The following CCDC6 variants were observed in gnomAD, a reference collection of about 807,000 sequenced individuals.
CCDC6 encodes the protein coiled-coil domain-containing protein 6.
In CCDC6, 20 loss-of-function variants were observed where a neutral mutation model predicts 56.6. The observed-to-expected ratio is 0.35, with a 90% confidence interval of 0.25 to 0.51. The LOEUF is 0.51. Ranked by LOEUF, CCDC6 falls within the 20% of genes least tolerant of loss-of-function variation. The pLI, the probability that CCDC6 is intolerant of heterozygous loss-of-function variation, is 0.95. For missense variants in CCDC6, 367 were observed against 601.1 expected, an observed-to-expected ratio of 0.61 and a Z score of 4.07; for synonymous variants, 241 against 234.4, an observed-to-expected ratio of 1.03 and a Z score of -0.26.
At chr10:59,823,720 C>G (rs1184847727) in intron 3 of CCDC6, among the ~76,000 whole-genome samples, 1 of 151,996 alleles carries the variant, frequency 6.6e-6, no homozygotes, top group Admixed American at 6.6e-5. Context: ...TTGTCATTAC[C>G]ACATTCATCC....
intron 1 of CCDC6, among the ~76,000 whole-genome samples, chr10:59,866,286 CATAA>C (rs1314568010): frequency 6.6e-6 from 1 of 152,166 alleles, no homozygotes; most frequent in Non-Finnish European, 1.5e-5. Flanking sequence ...GTCTTGGCTA[CATAA>C]ATAGCCTCAA....
intron 5 of CCDC6, among the ~76,000 whole-genome samples, chr10:59,810,504 C>T (rs2070663774): frequency 6.6e-6 from 1 of 152,014 alleles, no homozygotes; most frequent in Non-Finnish European, 1.5e-5. Context: ...AGGAAAAATG[C>T]AAACTGACAG....
intron 2 of CCDC6, among the ~76,000 whole-genome samples, chr10:59,849,275 TG>T (rs2071018739): frequency 6.6e-6 from 1 of 152,212 alleles, no homozygotes; most frequent in African/African-American, 2.4e-5. Context: ...GATACAATTT[TG>T]TGTCTGTACT....
Position 59,807,012 on chromosome 10 carries a change from T to C in CCDC6, c.914A>G (p.Gln305Arg). The change falls in exon 6 of 9, where the codon CAG becomes CGG. Residue 305 changes from glutamine (Q) to arginine (R), a missense_variant. By Grantham distance (43) the Gln-to-Arg change is conservative. Around this residue, in one of 7 missense-constraint regions of CCDC6, gnomAD observed 81 missense variants for 150.8 expected, o/e 0.54. Coordinates refer to ENST00000263102, the MANE Select transcript of CCDC6 (RefSeq NM_005436.5). ...RHMREENLRL[Q>R]RKLQREMERR... ...CTCCATCTCCCTCTGCAGCTTCCTC[T>C]GGAGCCTCAAGTTCTCTTCTCTCAT... 1 of 1,614,086 alleles carries C rather than the reference T, an allele frequency of 6.2e-7. No individual in the cohort carries two copies. Among genetic ancestry groups the C allele is most frequent in the Non-Finnish European group, 8.5e-7 (1 of 1,179,930 alleles).
At chr10:59,818,507 A>G (rs1431230764) in intron 3 of CCDC6, among the ~76,000 whole-genome samples, 111 of 106,544 alleles carry the variant, frequency 1.0e-3, no homozygotes, top group Middle Eastern at 5.0e-3. Context: ...GGGGGGGGGG[A>G]AGCAGATTCT....
chr10:59,834,583 A>G (rs1462919292), intron 2 of CCDC6, among the ~76,000 whole-genome samples: 4 of 150,340 alleles, frequency 2.7e-5, no homozygotes, highest in Non-Finnish European at 4.4e-5. Context: ...AAAAAAAAAG[A>G]AAAAAAAATT....
chr10:59,814,511 T>C (rs116418169), intron 4 of CCDC6, 141 bp downstream of exon 4: 4 of 568,614 alleles, frequency 7.0e-6, no homozygotes, highest in Admixed American at 6.0e-5. Context: ...GCTTTCAACA[T>C]TTTTTTTCCT....
intron 1 of CCDC6, among the ~76,000 whole-genome samples, chr10:59,877,272 C>T (rs1204984712): frequency 6.6e-6 from 1 of 152,150 alleles, no homozygotes; most frequent in Non-Finnish European, 1.5e-5. Flanking sequence ...TTTAATAAAG[C>T]ACCAGAATCA....
rs570771961 is a variant in CCDC6 at position 59,794,817 on chromosome 10, T to C, written c.1106-220A>G. Among the ~76,000 whole-genome samples the C allele has an allele frequency of 1.6e-4, 24 of 152,208 alleles. 1 individual carries two copies. The South Asian group carries it at 5.0e-3, about 32-fold the overall frequency. ...CAGAAATAAACTCACACGTATATGGTCAACTGATCTTCAAAAAGGGCACCA... is the reference window on the plus strand; with the variant it reads ...CAGAAATAAACTCACACGTATATGGCCAACTGATCTTCAAAAAGGGCACCA... On this transcript the variant is annotated intron_variant, in intron 7 of 8. Coordinates refer to ENST00000263102, the MANE Select transcript of CCDC6 (RefSeq NM_005436.5).
chr10:59,819,039 C>T (rs1417918120), intron 3 of CCDC6, among the ~76,000 whole-genome samples: 1 of 152,120 alleles, frequency 6.6e-6, no homozygotes, highest in East Asian at 1.9e-4. Flanking sequence ...ATACGGTTTT[C>T]ATTAATCTTT....
chr10:59,850,222 GCA>G (rs933354216), intron 2 of CCDC6, among the ~76,000 whole-genome samples: 8 of 152,274 alleles, frequency 5.3e-5, no homozygotes, highest in African/African-American at 1.7e-4. Flanking sequence ...TGTTTAATGG[GCA>G]CAGAGTTTCA....
Position 59,906,149 on chromosome 10 carries a change from G to A in CCDC6, c.276C>T (p.Arg92=). 6.2e-7 allele frequency: 1 copy of A among 1,604,660 alleles called. No individual in the cohort carries two copies. Among genetic ancestry groups the A allele is most frequent in the Non-Finnish European group, 8.5e-7 (1 of 1,174,476 alleles). Residue 92 remains arginine (R), a synonymous_variant, in exon 1 of 9, where the codon CGC becomes CGT. Transcript: ENST00000263102. The part of the protein sequence containing the change: ...LKCKALQEEN[R]DLRKASVTIQ... ...TGGTCACGCTGGCTTTGCGCAGGTC[G>A]CGGTTCTCCTCCTGCAGTGCCTTGC...
intron 8 of CCDC6, 93 bp downstream of exon 8, chr10:59,794,380 C>A: frequency 1.5e-6 from 2 of 1,293,176 alleles, no homozygotes; most frequent in South Asian, 1.4e-5. Context: ...GGAAGAAGGG[C>A]AAATGTCTAA....
At chr10:59,889,123 C>A (rs2132680976) in intron 1 of CCDC6, among the ~76,000 whole-genome samples, 1 of 152,254 alleles carries the variant, frequency 6.6e-6, no homozygotes, top group East Asian at 1.9e-4. Context: ...TGAGGCATCC[C>A]AAGATGCTCC....
intron 7 of CCDC6, among the ~76,000 whole-genome samples, chr10:59,802,532 C>A (rs78141151): frequency 3.3e-5 from 5 of 151,982 alleles, no homozygotes; most frequent in Non-Finnish European, 7.4e-5. Flanking sequence ...AATTCTGCTG[C>A]CAAATAGACA....
At chr10:59,808,048 G>A (rs1034074096) in intron 5 of CCDC6, among the ~76,000 whole-genome samples, 1 of 152,134 alleles carries the variant, frequency 6.6e-6, no homozygotes, top group South Asian at 2.1e-4. Flanking sequence ...CACACGTAGC[G>A]GCAGAGGGCA....
Position 59,792,879 on chromosome 10 carries a change from G to C in CCDC6, c.*38C>G, listed in dbSNP as rs182239385. The C allele has an allele frequency of 2.5e-6, 4 of 1,601,628 alleles. No homozygotes were observed. Among genetic ancestry groups the C allele is most frequent in the Non-Finnish European group, 3.4e-6 (4 of 1,169,098 alleles). On this transcript the variant is annotated 3_prime_UTR_variant, in exon 9 of 9. Coordinates refer to ENST00000263102, the MANE Select transcript of CCDC6 (RefSeq NM_005436.5). ...TGGCGTTGAGTAGACGGCTCCATTGGATGAGTCCCAACTTGAAATTCAGAC... is the reference window on the plus strand; with the variant it reads ...TGGCGTTGAGTAGACGGCTCCATTGCATGAGTCCCAACTTGAAATTCAGAC...
chr10:59,800,206 T>C (rs1187182189), intron 7 of CCDC6, among the ~76,000 whole-genome samples: 1 of 152,204 alleles, frequency 6.6e-6, no homozygotes, highest in Non-Finnish European at 1.5e-5. Context: ...GAAATTGACA[T>C]TGGTATAATA....
intron 1 of CCDC6, among the ~76,000 whole-genome samples, chr10:59,862,502 T>C (rs1203315394): frequency 4.1e-5 from 2 of 49,096 alleles, no homozygotes; most frequent in Admixed American, 3.2e-4. Flanking sequence ...AAAAAAAAAG[T>C]ATATATATAT....
Sources: gnomAD v4.1 joint callset for allele counts (sites outside exome capture counted in the v4.1 genomes callset) on GRCh38, gnomAD v4.1.1 for gene constraint, gnomAD v4.1.1 regional missense constraint, MANE v1.5 for transcripts, NCBI Gene and HGNC (gene_info 2026-07-23, HGNC 2026-07-21) for gene names.